Variants in C11orf54 observed in about 807,000 individuals in gnomAD.
C11orf54 encodes beta-keto L-gulonate decarboxylase.
C11orf54 carries 29 observed loss-of-function variants against 35.5 expected under a neutral mutation model. That is an observed-to-expected ratio of 0.82 (90% confidence interval 0.61 to 1.11). The LOEUF is 1.11. Ranked by LOEUF, C11orf54 falls within the 50% of genes most tolerant of loss-of-function variation. The pLI, the probability that C11orf54 is intolerant of heterozygous loss-of-function variation, is 0.00. For synonymous variants in C11orf54, 108 were observed against 121.1 expected (o/e 0.89, Z 0.71); for missense variants, 373 against 369.2 (o/e 1.01, Z -0.08).
intron 6 of C11orf54, among the ~76,000 whole-genome samples, chr11:93,756,503 A>G (rs1312122185): frequency 6.6e-6 from 1 of 151,826 alleles, no homozygotes; most frequent in African/African-American, 2.4e-5. Flanking sequence ...AAAAAAAAAA[A>G]AAGACTACTT....
intron 7 of C11orf54, among the ~76,000 whole-genome samples, chr11:93,759,446 T>G (rs1259700934): frequency 6.6e-6 from 1 of 151,516 alleles, no homozygotes; most frequent in Non-Finnish European, 1.5e-5. Context: ...TGTTGAACAA[T>G]GGGAACACAT....
At position 93,759,765 on chromosome 11, in the gene C11orf54, C is replaced by T. The variant is rs766008621; in HGVS notation, c.681C>T (p.Pro227=). 2.5e-6 allele frequency: 4 copies of T among 1,606,052 alleles called. No homozygotes were observed. Among genetic ancestry groups the T allele is most frequent in the Admixed American group, 3.3e-5 (2 of 59,888 alleles). ...AGCCTGCAGAATTTTCTTCCTGCCC[C>T]TTGAACTCTGATGAAGAAGTGAATA... ...HIMPAEFSSC[P]LNSDEEVNKW... is the part of the protein sequence containing the mutation. The change falls in exon 8 of 9, where the codon CCC becomes CCT. Residue 227 remains proline, a synonymous_variant. Transcript: ENST00000354421.
At chr11:93,752,309 C>A (rs1025065266) in intron 3 of C11orf54, among the ~76,000 whole-genome samples, 2 of 152,060 alleles carry the variant, frequency 1.3e-5, no homozygotes, top group African/African-American at 4.8e-5. Context: ...ACCAAACTGG[C>A]CAACATGGTG....
Position 93,761,666 on chromosome 11 carries a change from C to A in C11orf54, c.926C>A (p.Thr309Lys), listed in dbSNP as rs552777927. The A allele has an allele frequency of 6.2e-7, 1 of 1,601,312 alleles. No individual in the cohort carries two copies. The highest frequency in any genetic ancestry group is 8.5e-7 in the Non-Finnish European group (1 of 1,175,778). The change falls in exon 9 of 9, where the codon ACG becomes AAG. Residue 309 changes from threonine to lysine, a missense_variant. Physicochemically the swap from Thr to Lys is moderately conservative, Grantham distance 78 (BLOSUM62 -1). Transcript: ENST00000354421. ...FLYRIDQPKE[T>K]HSIGRD ...TATCGCATTGATCAACCAAAAGAGA[C>A]GCATTCAATTGGGCGAGATTAAATC...
intron 6 of C11orf54, among the ~76,000 whole-genome samples, chr11:93,756,357 G>A (rs1348332883): frequency 6.6e-6 from 1 of 150,612 alleles, no homozygotes; most frequent in Non-Finnish European, 1.5e-5. Context: ...GCCAGGTGTG[G>A]TGGTACATGC....
Position 93,753,739 on chromosome 11 carries a change from T to A in C11orf54, c.212T>A (p.Leu71His). Residue 71 changes from leucine to histidine, a missense_variant, in exon 4 of 9, where the codon CTT becomes CAT. Leu to His is a moderately conservative substitution (Grantham distance 99, BLOSUM62 -3). Coordinates refer to ENST00000354421, the MANE Select transcript of C11orf54 (RefSeq NM_001286069.2). ...EVGGVPYLLP[L>H]VNQKKVYDLN... ...GGAGGTGTGCCTTACTTATTGCCTC[T>A]TGTAAACCAAAAAAAAGTAAGTACT... 1 of 1,613,862 alleles carries A rather than the reference T, an allele frequency of 6.2e-7. No homozygotes were observed. Among genetic ancestry groups the A allele is most frequent in the Non-Finnish European group, 8.5e-7 (1 of 1,179,936 alleles).
intron 1 of C11orf54, chr11:93,742,853 G>C (rs995848344): frequency 7.9e-5 from 12 of 152,166 alleles, no homozygotes; most frequent in African/African-American, 2.9e-4. Context: ...AGCAAGCCTA[G>C]CTGTGTAATT....
rs1355159716 is a variant in C11orf54, at chr11:93,747,316, T to G, written c.-78T>G. On this transcript the variant is annotated 5_prime_UTR_variant, in exon 2 of 9. Coordinates refer to ENST00000354421, the MANE Select transcript of C11orf54 (RefSeq NM_001286069.2). ...TTCCAGAACAGAAACTGTTCATACT[T>G]GGTGCGCTGTGGACTCTTGTGATAA... 4 of 1,098,726 alleles carry G rather than the reference T, an allele frequency of 3.6e-6. No individual in the cohort carries two copies. The East Asian group carries it at 1.0e-4, about 29-fold the overall frequency. 68.1% of individuals were successfully genotyped at this position (1,098,726 alleles called of 1,614,324 possible). A position where few individuals can be genotyped will look rare whatever the true frequency, so the allele number is the denominator to read the frequency against.
intron 3 of C11orf54, among the ~76,000 whole-genome samples, chr11:93,751,692 C>T (rs151043502): frequency 0.023 from 3,456 of 151,908 alleles, 128 homozygotes; most frequent in African/African-American, 0.077. Flanking sequence ...GCGTGAGCCA[C>T]CACGCCCAGC....
At position 93,761,850 on chromosome 11, in the gene C11orf54, A is replaced by T. The variant is rs1245410164; in HGVS notation, c.*162A>T. The T allele has an allele frequency of 1.7e-6, 1 of 586,502 alleles. No individual in the cohort carries two copies. Among genetic ancestry groups the T allele is most frequent in the Non-Finnish European group, 2.6e-6 (1 of 386,010 alleles). The allele number at this position is 586,502 out of a possible 1,614,324, so 36.3% of individuals were successfully genotyped here. A position where few individuals can be genotyped will look rare whatever the true frequency, so the allele number is the denominator to read the frequency against. ...TTTGGGAGGCTGAGGCAGGAAGCAC[A>T]CTGGAGCCCAGGAGTTTGAGACCAG... On this transcript the variant is annotated 3_prime_UTR_variant, in exon 9 of 9. Transcript: ENST00000354421.
At chr11:93,748,593 T>C (rs974659599) in intron 2 of C11orf54, among the ~76,000 whole-genome samples, 4 of 152,194 alleles carry the variant, frequency 2.6e-5, no homozygotes, top group Admixed American at 1.3e-4. Flanking sequence ...CTCAATACTT[T>C]AGGAGGCCAA....
chr11:93,759,805 T>A lies in C11orf54; in HGVS notation c.721T>A (p.Tyr241Asn). 1.2e-6 allele frequency: 2 copies of A among 1,611,430 alleles called. No homozygotes were observed. The highest frequency in any genetic ancestry group is 1.7e-6 in the Non-Finnish European group (2 of 1,178,196). The change falls in exon 8 of 9, where the codon TAT becomes AAT. Residue 241 changes from tyrosine (Y) to asparagine (N), a missense_variant. Physicochemically the swap from Tyr to Asn is moderately radical, Grantham distance 143. Transcript: ENST00000354421. ...DEEVNKWLHFYEMKAPLVCLP... is the reference protein window; with the variant it reads ...DEEVNKWLHFNEMKAPLVCLP... ...AGAAGTGAATAAATGGTTGCATTTT[T>A]ATGAAATGAAAGCTCCTTTGGTTTG...
chr11:93,748,574 G>T (rs1942610995), intron 2 of C11orf54, among the ~76,000 whole-genome samples: 1 of 152,200 alleles, frequency 6.6e-6, no homozygotes, highest in Non-Finnish European at 1.5e-5. Context: ...AGTGGCTCAT[G>T]CCTGTAATCT....
At chr11:93,742,756 G>A (rs994864587) in intron 1 of C11orf54, 4 of 152,176 alleles carry the variant, frequency 2.6e-5, no homozygotes, top group African/African-American at 2.4e-5. Context: ...CGATCCTTTA[G>A]GCAGCCCACT....
intron 4 of C11orf54, 66 bp from the exon 5 acceptor site, chr11:93,753,870 A>G: frequency 6.4e-7 from 1 of 1,550,524 alleles, no homozygotes; most frequent in Non-Finnish European, 8.9e-7. Context: ...ATGGATCAGT[A>G]ATAAAAGGTA....
chr11:93,747,427 A>C lies in C11orf54; in HGVS notation c.34A>C (p.Ser12Arg). ...TGCTGAGTTTTCTTTTCATGTACCAAGTCTTGAAGAGCTTGCTGGAGGTAA... is the reference window on the plus strand; with the variant it reads ...TGCTGAGTTTTCTTTTCATGTACCACGTCTTGAAGAGCTTGCTGGAGGTAA... Reference protein sequence around the residue: ...ACAEFSFHVPSLEELAGVMQK... With the variant: ...ACAEFSFHVPRLEELAGVMQK... The change falls in exon 2 of 9, where the codon AGT becomes CGT. Residue 12 changes from serine to arginine, a missense_variant. Coordinates refer to ENST00000354421, the MANE Select transcript of C11orf54 (RefSeq NM_001286069.2). The C allele has an allele frequency of 1.9e-6, 3 of 1,598,836 alleles. No individual in the cohort carries two copies. Among genetic ancestry groups the C allele is most frequent in the Non-Finnish European group, 2.6e-6 (3 of 1,174,346 alleles).
At chr11:93,758,613 G>A (rs1466382684) in intron 7 of C11orf54, among the ~76,000 whole-genome samples, 2 of 152,368 alleles carry the variant, frequency 1.3e-5, no homozygotes, top group Non-Finnish European at 1.5e-5. Context: ...GAGCCCGGTC[G>A]CTGTCGCAGC....
intron 6 of C11orf54, among the ~76,000 whole-genome samples, chr11:93,756,223 A>G (rs1165793708): frequency 1.3e-5 from 2 of 150,236 alleles, no homozygotes; most frequent in African/African-American, 2.4e-5. Flanking sequence ...GCTTATGCCT[A>G]TAATTCCAGT....
intron 2 of C11orf54, among the ~76,000 whole-genome samples, chr11:93,748,385 C>T (rs1242458083): frequency 1.3e-5 from 2 of 152,054 alleles, no homozygotes; most frequent in African/African-American, 4.8e-5. Context: ...TGGCCTCACT[C>T]GATGCTCCTG....
Sources: gnomAD v4.1 joint callset for allele counts (sites outside exome capture counted in the v4.1 genomes callset) on GRCh38, gnomAD v4.1.1 for gene constraint, MANE v1.5 for transcripts, NCBI Gene and HGNC (gene_info 2026-07-23, HGNC 2026-07-21) for gene names.